The following NCKAP5 variants were observed in gnomAD, a reference collection of about 807,000 sequenced individuals.
NCKAP5 encodes NCK associated protein 5, also known as nck-associated protein 5.
A neutral mutation model predicts 167.0 loss-of-function variants in NCKAP5; 92 were observed. The observed-to-expected ratio is 0.55, with a 90% confidence interval of 0.47 to 0.66. The LOEUF is 0.66. Ranked by LOEUF, NCKAP5 falls within the 30% of genes least tolerant of loss-of-function variation. The pLI, the probability that NCKAP5 is intolerant of heterozygous loss-of-function variation, is 0.00. For missense variants in NCKAP5, 2,378 were observed against 2,315.0 expected (o/e 1.03, Z -0.56); for synonymous variants, 891 against 877.4 (o/e 1.02, Z -0.27).
intron 11 of NCKAP5, among the ~76,000 whole-genome samples, chr2:132,823,031 C>T (rs1388792888): frequency 6.6e-6 from 1 of 152,106 alleles, no homozygotes; most frequent in Admixed American, 6.5e-5. Context: ...AAAAAATGAA[C>T]AAAACCTCTA....
At chr2:133,025,797 C>A (rs1353192816) in intron 6 of NCKAP5, among the ~76,000 whole-genome samples, 1 of 152,146 alleles carries the variant, frequency 6.6e-6, no homozygotes, top group Non-Finnish European at 1.5e-5. Flanking sequence ...CATGATGAGA[C>A]TGCCCAGAAA....
intron 5 of NCKAP5, among the ~76,000 whole-genome samples, chr2:133,212,652 G>C (rs931408078): frequency 6.6e-6 from 1 of 152,174 alleles, no homozygotes; most frequent in African/African-American, 2.4e-5. Flanking sequence ...ACAGGCGTGA[G>C]CCACCACACC....
At chr2:132,789,789 A>G (rs923202012) in intron 13 of NCKAP5, among the ~76,000 whole-genome samples, 6 of 152,176 alleles carry the variant, frequency 3.9e-5, no homozygotes, top group African/African-American at 9.7e-5. Context: ...AAATATGCCT[A>G]CCTACACTGA....
At chr2:133,002,563 G>A (rs945488626) in intron 6 of NCKAP5, among the ~76,000 whole-genome samples, 5 of 152,142 alleles carry the variant, frequency 3.3e-5, no homozygotes, top group Admixed American at 1.3e-4. Flanking sequence ...TTATTTACCT[G>A]TTGAAGCATT....
chr2:133,337,380 G>A (rs550759482), intron 3 of NCKAP5, among the ~76,000 whole-genome samples: 13 of 152,304 alleles, frequency 8.5e-5, no homozygotes, highest in Non-Finnish European at 1.8e-4. Context: ...CTTGTGTGCT[G>A]CATTAATGCT....
chr2:133,654,693 C>A, the NCKAP5 span, among the ~76,000 whole-genome samples: 1 of 152,156 alleles, frequency 6.6e-6, no homozygotes, highest in African/African-American at 2.4e-5. Context: ...CAATACCAGC[C>A]ACGTGGTTGG....
intron 3 of NCKAP5, among the ~76,000 whole-genome samples, chr2:133,448,553 G>C (rs139879596): frequency 1.3e-5 from 2 of 152,276 alleles, no homozygotes; most frequent in East Asian, 3.9e-4. Flanking sequence ...AATTGAACTT[G>C]GCCTTAGGAG....
intron 3 of NCKAP5, among the ~76,000 whole-genome samples, chr2:133,482,226 C>A (rs1265187116): frequency 6.8e-6 from 1 of 147,390 alleles, no homozygotes; most frequent in South Asian, 2.1e-4. Context: ...TTTTCTTTTT[C>A]TTTTTCTTTT....
upstream of NCKAP5, among the ~76,000 whole-genome samples, chr2:133,569,545 T>C (rs1307615319): frequency 1.3e-5 from 2 of 152,200 alleles, no homozygotes; most frequent in Non-Finnish European, 2.9e-5. Context: ...CCTAAATCAC[T>C]TGCCATAGTG....
the NCKAP5 span, among the ~76,000 whole-genome samples, chr2:133,667,432 G>C: frequency 1.3e-5 from 2 of 151,868 alleles, no homozygotes; most frequent in African/African-American, 2.4e-5. Context: ...AAATTGGTTT[G>C]GGTCCTCCTC....
intron 16 of NCKAP5, among the ~76,000 whole-genome samples, chr2:132,761,265 CT>C (rs1451342859): frequency 6.6e-6 from 1 of 151,494 alleles, no homozygotes; most frequent in Non-Finnish European, 1.5e-5. Flanking sequence ...AAACCAGGTT[CT>C]GGGTAGGGTG....
At chr2:133,039,247 C>T (rs2079135933) in intron 6 of NCKAP5, among the ~76,000 whole-genome samples, 1 of 152,290 alleles carries the variant, frequency 6.6e-6, no homozygotes, top group South Asian at 2.1e-4. Context: ...AAGCCAAATG[C>T]AGGTGAAACC....
At chr2:132,758,643 G>A (rs184649213) in intron 16 of NCKAP5, among the ~76,000 whole-genome samples, 96 of 152,174 alleles carry the variant, frequency 6.3e-4, no homozygotes, top group Admixed American at 4.3e-3. Context: ...AGTTGTGTTA[G>A]GGACATGTCC....
intron 8 of NCKAP5, among the ~76,000 whole-genome samples, chr2:132,956,550 G>A (rs1022396243): frequency 5.9e-5 from 9 of 151,996 alleles, no homozygotes; most frequent in African/African-American, 1.9e-4. Context: ...CATCGATTTC[G>A]CCCTCTCCAC....
chr2:132,686,068 A>G (rs148079923), intron 19 of NCKAP5, among the ~76,000 whole-genome samples: 5 of 152,290 alleles, frequency 3.3e-5, no homozygotes, highest in East Asian at 1.9e-4. Context: ...GTAGTACCCA[A>G]TGGCTGGGTA....
chr2:133,399,976 T>C (rs1276614170), intron 3 of NCKAP5, among the ~76,000 whole-genome samples: 1 of 152,170 alleles, frequency 6.6e-6, no homozygotes, highest in Non-Finnish European at 1.5e-5. Context: ...TGTAATACTA[T>C]ATGTCTGCAA....
At chr2:133,493,678 T>A (rs899037326) in intron 3 of NCKAP5, among the ~76,000 whole-genome samples, 2 of 152,020 alleles carry the variant, frequency 1.3e-5, no homozygotes, top group African/African-American at 4.8e-5. Context: ...AAGCAGTTTG[T>A]GTTTAGTCAT....
At chr2:132,886,359 T>A (rs942683991) in intron 8 of NCKAP5, among the ~76,000 whole-genome samples, 4 of 152,236 alleles carry the variant, frequency 2.6e-5, no homozygotes, top group Admixed American at 2.6e-4. Flanking sequence ...TCCTTTTACC[T>A]CTTAATACTT....
chr2:132,925,042 A>G (rs1025545399), intron 8 of NCKAP5, among the ~76,000 whole-genome samples: 1 of 152,088 alleles, frequency 6.6e-6, no homozygotes, highest in Non-Finnish European at 1.5e-5. Flanking sequence ...TAGACACAGT[A>G]GTGATTTGCT....
Sources: allele counts gnomAD v4.1 joint callset (sites outside exome capture counted in the v4.1 genomes callset), GRCh38; gene constraint gnomAD v4.1.1; transcripts MANE v1.5; gene names NCBI Gene and HGNC (gene_info 2026-07-23, HGNC 2026-07-21).